Variants in COLEC12 observed in about 807,000 individuals in gnomAD.
COLEC12 encodes the protein collectin subfamily member 12.
In COLEC12, 33 loss-of-function variants were observed where a neutral mutation model predicts 71.1. The ratio of observed to expected loss-of-function variants is 0.46; its 90% CI spans 0.35 to 0.62. COLEC12 has a LOEUF of 0.62. Ranked by LOEUF, COLEC12 falls within the 20% of genes least tolerant of loss-of-function variation. The pLI is 0.00. For synonymous variants in COLEC12, 350 were observed against 353.0 expected, an observed-to-expected ratio of 0.99 and a Z score of 0.10; for missense variants, 765 against 916.1, an observed-to-expected ratio of 0.84 and a Z score of 2.13.
rs1915627828 is a variant in COLEC12, at chr18:399,109, A to G, written c.59-41587T>C. On this transcript the variant is annotated intron_variant, in intron 2 of 9. Transcript: ENST00000400256. The surrounding 1 kb of genome is among the most constrained non-coding windows in gnomAD (Gnocchi z 4.0). ...CCCATGTACACTGGGCTACTCTGTCAGCAGCTCAAGGAACTGTTTAAAAAG... is the reference window on the plus strand; with the variant it reads ...CCCATGTACACTGGGCTACTCTGTCGGCAGCTCAAGGAACTGTTTAAAAAG... Among the ~76,000 whole-genome samples, 1 of 152,264 alleles carries G rather than the reference A, an allele frequency of 6.6e-6. No individual in the cohort carries two copies. The highest frequency in any genetic ancestry group is 2.4e-5 in the African/African-American group (1 of 41,474).
intron 3 of COLEC12, among the ~76,000 whole-genome samples, chr18:351,751 ATACTTT>A (rs1283587759): frequency 3.3e-5 from 5 of 152,090 alleles, no homozygotes; most frequent in Admixed American, 6.6e-5. Context: ...TATTTTTATT[ATACTTT>A]AAGTTTTAGG....
intron 2 of COLEC12, among the ~76,000 whole-genome samples, chr18:430,727 G>A (rs557271156): frequency 4.8e-4 from 73 of 152,176 alleles, no homozygotes; most frequent in Non-Finnish European, 4.4e-4. Flanking sequence ...CTGAAATACT[G>A]TATATCCCAA....
intron 2 of COLEC12, among the ~76,000 whole-genome samples, chr18:371,632 T>C (rs555844348): frequency 6.6e-6 from 1 of 152,188 alleles, no homozygotes; most frequent in African/African-American, 2.4e-5. Context: ...CTTCTGATTA[T>C]CTAGACAGAA....
intron 2 of COLEC12, among the ~76,000 whole-genome samples, chr18:436,515 C>CA (rs1235317721): frequency 0.013 from 101 of 7,520 alleles, 6 homozygotes; most frequent in African/African-American, 0.046. Context: ...GACTCCATCT[C>CA]AAAAAAAAAA....
intron 2 of COLEC12, among the ~76,000 whole-genome samples, chr18:425,142 G>T (rs1422377151): frequency 6.6e-6 from 1 of 152,176 alleles, no homozygotes; most frequent in African/African-American, 2.4e-5. Flanking sequence ...GAAGAACTTA[G>T]TGCAACCTTC....
chr18:359,799 A>G (rs532042531), intron 2 of COLEC12, among the ~76,000 whole-genome samples: 7 of 152,356 alleles, frequency 4.6e-5, no homozygotes, highest in East Asian at 3.9e-4. Context: ...GGACTGATCT[A>G]TAACTGTGCT....
chr18:333,048 T>A lies in COLEC12; in HGVS notation c.1912A>T (p.Lys638Ter). The change falls in exon 7 of 10, where the codon AAG becomes TAG. Residue 638 changes from lysine to a stop codon, truncating the protein, a stop_gained. Transcript: ENST00000400256. LOFTEE classifies it high-confidence loss of function. ...TTTATGAAAACAAGATGTGAAGACT[T>A]GTCTTCACAGAAAAGCTTTGCATCC... ...FEDAKLFCED[K>*]SSHLVFINTR... 1 of 1,609,684 alleles carries A rather than the reference T, an allele frequency of 6.2e-7. No individual in the cohort carries two copies.
intron 2 of COLEC12, among the ~76,000 whole-genome samples, chr18:406,602 C>A (rs879281701): frequency 6.7e-6 from 1 of 150,284 alleles, no homozygotes; most frequent in Non-Finnish European, 1.5e-5. Context: ...TATTCCTTTA[C>A]TTTCCTAATA....
chr18:374,450 C>A (rs1915069149), intron 2 of COLEC12, among the ~76,000 whole-genome samples: 1 of 152,140 alleles, frequency 6.6e-6, no homozygotes, highest in South Asian at 2.1e-4. Flanking sequence ...GAACAAGCCA[C>A]ATGGAAACTA....
In COLEC12 at chr18:321,905, A is replaced by G. The variant is rs1913715465; in HGVS notation, c.2064-98T>C. 6.1e-6 allele frequency: 7 copies of G among 1,141,330 alleles called. No homozygotes were observed. The South Asian group carries it at 1.0e-4, about 17-fold the overall frequency. 70.7% of individuals were successfully genotyped at this position (1,141,330 alleles called of 1,614,324 possible). ...GAATATAAAAAAACAAAATTGAAGC[A>G]TGTCATTTATCCTGGAATGAAAATG... On this transcript the variant is annotated intron_variant, in intron 8 of 9. Coordinates refer to ENST00000400256, the MANE Select transcript of COLEC12 (RefSeq NM_130386.3).
At chr18:424,917 G>A (rs562767099) in intron 2 of COLEC12, among the ~76,000 whole-genome samples, 1 of 152,338 alleles carries the variant, frequency 6.6e-6, no homozygotes, top group South Asian at 2.1e-4. Context: ...GCTGAGCAGG[G>A]TGTGCTGGGT....
chr18:344,474 T>C (rs973923696), intron 5 of COLEC12, among the ~76,000 whole-genome samples: 20 of 152,238 alleles, frequency 1.3e-4, no homozygotes, highest in African/African-American at 4.6e-4. Context: ...TTCTAGCCCC[T>C]ATCATTCTGA....
At chr18:384,569 G>A (rs1024809225) in intron 2 of COLEC12, among the ~76,000 whole-genome samples, 3 of 152,200 alleles carry the variant, frequency 2.0e-5, no homozygotes, top group Non-Finnish European at 4.4e-5. Context: ...AACTCTTTGA[G>A]CAGGGAGTAG....
At chr18:439,067 C>A (rs1043793560) in intron 2 of COLEC12, among the ~76,000 whole-genome samples, 2 of 152,294 alleles carry the variant, frequency 1.3e-5, no homozygotes, top group African/African-American at 4.8e-5. Context: ...TCTCTGCCTT[C>A]CTCTAAAAGT....
At chr18:390,164 G>T (rs772264970) in intron 2 of COLEC12, among the ~76,000 whole-genome samples, 1 of 152,202 alleles carries the variant, frequency 6.6e-6, no homozygotes, top group Non-Finnish European at 1.5e-5. Context: ...CAGGGGGCTA[G>T]GTCCCCACCA....
At chr18:345,510 C>T (rs1176950704) in intron 5 of COLEC12, among the ~76,000 whole-genome samples, 1 of 152,172 alleles carries the variant, frequency 6.6e-6, no homozygotes, top group African/African-American at 2.4e-5. Flanking sequence ...AGCACACCTA[C>T]CAAAACTCAG....
rs10547166 is a variant in COLEC12, at chr18:436,525, AGGGGG to A, written c.58+44177_58+44181del. Reference sequence around the variant, plus strand: ...AGCGAGACTCCATCTCAAAAAAAAAAGGGGGGGGGGGGGGAAACAGGGGTGGCTTT... The same window carrying A: ...AGCGAGACTCCATCTCAAAAAAAAAAGGGGGGGGGAAACAGGGGTGGCTTT... On this transcript the variant is annotated intron_variant, in intron 2 of 9. Transcript: ENST00000400256. 1.3e-4 allele frequency among the ~76,000 whole-genome samples: 13 copies of A among 98,952 alleles called. 1 individual carries two copies. The highest frequency in any genetic ancestry group is 4.2e-4 in the African/African-American group (10 of 23,584). The allele number at this position is 98,952 out of a possible 152,430, so 64.9% of individuals were successfully genotyped here.
At chr18:479,313 G>T (rs576728827) in intron 2 of COLEC12, among the ~76,000 whole-genome samples, 1 of 152,296 alleles carries the variant, frequency 6.6e-6, no homozygotes, top group Admixed American at 6.5e-5. Context: ...GGGCCGCTCT[G>T]CCAGGGAACC....
At chr18:487,861 A>G (rs1264133822) in intron 1 of COLEC12, among the ~76,000 whole-genome samples, 1 of 152,248 alleles carries the variant, frequency 6.6e-6, no homozygotes, top group Non-Finnish European at 1.5e-5. Flanking sequence ...AAAATCCACC[A>G]GCACAAAAGT....
Sources: gnomAD v4.1 joint callset for allele counts (sites outside exome capture counted in the v4.1 genomes callset) on GRCh38, gnomAD v4.1.1 for gene constraint, Gnocchi (gnomAD v3.1) non-coding constraint, MANE v1.5 for transcripts, NCBI Gene and HGNC (gene_info 2026-07-23, HGNC 2026-07-21) for gene names.